The following TOX variants were observed in gnomAD, a reference collection of about 807,000 sequenced individuals.
TOX encodes thymocyte selection-associated high mobility group box protein TOX.
Under a neutral mutation model 53.7 loss-of-function variants are expected in TOX, and 11 were observed. The ratio of observed to expected loss-of-function variants is 0.20; its 90% CI spans 0.13 to 0.34. The LOEUF (loss-of-function observed/expected upper bound fraction) is 0.34, where lower values mean the gene tolerates loss of function less well. TOX is among the 10% of genes least tolerant of loss of function. The pLI is 1.00. For missense variants in TOX, 570 were observed against 664.6 expected (o/e 0.86, Z 1.56); for synonymous variants, 225 against 245.3 (o/e 0.92, Z 0.77).
chr8:58,837,231 T>C lies in TOX; in HGVS notation c.924+850A>G, dbSNP rs574680514. Among the ~76,000 whole-genome samples, 57 of 152,192 alleles carry C rather than the reference T, an allele frequency of 3.7e-4. 1 individual carries two copies. The highest frequency in any genetic ancestry group is 5.1e-4 in the Non-Finnish European group (35 of 68,034). On this transcript the variant is annotated intron_variant, in intron 5 of 8. Transcript: ENST00000361421. ...CTAGTTCATCATTAATGCAATTCAG[T>C]ATTCTGCAATGGCTAAAACTGCACC...
intron 2 of TOX, among the ~76,000 whole-genome samples, chr8:58,948,333 C>T (rs994360971): frequency 6.6e-6 from 1 of 152,162 alleles, no homozygotes; most frequent in Non-Finnish European, 1.5e-5. Context: ...GGCTTTCTCC[C>T]GCCATAATTC....
At chr8:59,017,985 C>T (rs1199352253) in intron 1 of TOX, among the ~76,000 whole-genome samples, 1 of 152,080 alleles carries the variant, frequency 6.6e-6, no homozygotes, top group African/African-American at 2.4e-5. Context: ...ACCAACAACC[C>T]CAATGGCAAA....
chr8:58,887,732 T>C (rs1245749323), intron 3 of TOX, among the ~76,000 whole-genome samples: 1 of 152,082 alleles, frequency 6.6e-6, no homozygotes, highest in East Asian at 1.9e-4. Context: ...TTAAGGTCTT[T>C]CTTCTGCCTT....
At chr8:59,006,073 T>C (rs531396232) in intron 1 of TOX, among the ~76,000 whole-genome samples, 2 of 152,362 alleles carry the variant, frequency 1.3e-5, no homozygotes, top group South Asian at 2.1e-4. Context: ...AGGTTTTATA[T>C]AGATGTCAGA....
At chr8:58,870,052 G>A (rs546673951) in intron 3 of TOX, among the ~76,000 whole-genome samples, 5 of 151,924 alleles carry the variant, frequency 3.3e-5, no homozygotes, top group East Asian at 3.9e-4. Context: ...ATTATTCAAC[G>A]TTGTACTGAA....
chr8:59,038,032 G>C (rs1803501884), intron 1 of TOX, among the ~76,000 whole-genome samples: 1 of 152,078 alleles, frequency 6.6e-6, no homozygotes, highest in East Asian at 1.9e-4. Context: ...CTTTTGAAAT[G>C]CCAGACTTCC....
At chr8:58,861,752 C>A (rs1217795324) in intron 3 of TOX, among the ~76,000 whole-genome samples, 1 of 152,164 alleles carries the variant, frequency 6.6e-6, no homozygotes, top group Non-Finnish European at 1.5e-5. Flanking sequence ...AATGCTTCTT[C>A]ACACCATATT....
chr8:59,046,858 CAAAAAAAAA>C (rs34869193), intron 1 of TOX, among the ~76,000 whole-genome samples: 34 of 77,884 alleles, frequency 4.4e-4, no homozygotes, highest in South Asian at 2.6e-3. Context: ...GACTATGTCT[CAAAAAAAAA>C]AAAAAAAAAA....
At chr8:58,821,000 A>G (rs1292591002) in intron 6 of TOX, among the ~76,000 whole-genome samples, 44 of 152,206 alleles carry the variant, frequency 2.9e-4, no homozygotes, top group Admixed American at 2.9e-3. Context: ...GTCCAACCCC[A>G]TATGACCTTC....
intron 3 of TOX, among the ~76,000 whole-genome samples, chr8:58,856,163 C>T (rs544241240): frequency 5.9e-5 from 9 of 152,260 alleles, no homozygotes; most frequent in African/African-American, 1.9e-4. Flanking sequence ...TTCATATATC[C>T]AAACCCTAAA....
chr8:59,115,979 T>C lies in TOX; in HGVS notation c.102+2907A>G, dbSNP rs931675207. On this transcript the variant is annotated intron_variant, in intron 1 of 8. Coordinates refer to ENST00000361421, the MANE Select transcript of TOX (RefSeq NM_014729.3). Reference sequence around the variant, plus strand: ...ATTTTGGCAATCTATAGAGCAGCAGTGCCGGAAAGTGTCAGCAGAGTAAAA... The same window carrying C: ...ATTTTGGCAATCTATAGAGCAGCAGCGCCGGAAAGTGTCAGCAGAGTAAAA... 1.3e-5 allele frequency among the ~76,000 whole-genome samples: 2 copies of C among 152,056 alleles called. 1 individual carries two copies. Among genetic ancestry groups the C allele is most frequent in the Non-Finnish European group, 2.9e-5 (2 of 68,028 alleles).
chr8:58,836,884 C>A (rs1176188532), intron 5 of TOX, among the ~76,000 whole-genome samples: 2 of 152,088 alleles, frequency 1.3e-5, no homozygotes, highest in Non-Finnish European at 2.9e-5. Flanking sequence ...CAGAACAGTG[C>A]CTGGCACATA....
At chr8:58,976,872 G>A (rs997649915) in intron 1 of TOX, among the ~76,000 whole-genome samples, 1 of 152,200 alleles carries the variant, frequency 6.6e-6, no homozygotes, top group Non-Finnish European at 1.5e-5. Flanking sequence ...TCAACAGTGG[G>A]CTTAAAATAT....
chr8:58,907,889 G>T (rs957900207), intron 3 of TOX, among the ~76,000 whole-genome samples: 7 of 152,172 alleles, frequency 4.6e-5, no homozygotes, highest in Non-Finnish European at 1.0e-4. Flanking sequence ...ATTGGGTTTT[G>T]TGCTAGATAT....
chr8:58,951,394 C>A (rs561754506), intron 2 of TOX, among the ~76,000 whole-genome samples: 17 of 152,202 alleles, frequency 1.1e-4, no homozygotes, highest in Non-Finnish European at 2.2e-4. Flanking sequence ...CTGACCTAAA[C>A]TTCCAGGCAA....
At chr8:58,949,511 C>T (rs1401856869) in intron 2 of TOX, among the ~76,000 whole-genome samples, 1 of 151,978 alleles carries the variant, frequency 6.6e-6, no homozygotes, top group African/African-American at 2.4e-5. Context: ...AGAAATCGTC[C>T]CTGAACTTTG....
intron 3 of TOX, among the ~76,000 whole-genome samples, chr8:58,898,225 A>T (rs2129172520): frequency 6.6e-6 from 1 of 152,320 alleles, no homozygotes; most frequent in Non-Finnish European, 1.5e-5. Context: ...GGGATTCTGC[A>T]GCATTAAACT....
At chr8:59,056,382 T>C (rs1431190494) in intron 1 of TOX, among the ~76,000 whole-genome samples, 1 of 129,932 alleles carries the variant, frequency 7.7e-6, no homozygotes, top group African/African-American at 3.0e-5. Context: ...CAGTGAGCTA[T>C]GATCGTGCCA....
chr8:58,911,341 A>G (rs1811904856), intron 3 of TOX, among the ~76,000 whole-genome samples: 1 of 152,210 alleles, frequency 6.6e-6, no homozygotes, highest in Non-Finnish European at 1.5e-5. Context: ...CTTGAAGCAA[A>G]ATGAAAATAT....
Sources: allele counts gnomAD v4.1 joint callset (sites outside exome capture counted in the v4.1 genomes callset), GRCh38; gene constraint gnomAD v4.1.1; transcripts MANE v1.5; gene names NCBI Gene and HGNC (gene_info 2026-07-23, HGNC 2026-07-21).